Variants in CACNA2D3 observed in about 807,000 individuals in gnomAD.
The protein encoded by CACNA2D3 is voltage-dependent calcium channel subunit alpha-2/delta-3.
A neutral mutation model predicts 160.6 loss-of-function variants in CACNA2D3; 60 were observed. That is an observed-to-expected ratio of 0.37 (90% CI 0.30 to 0.46). The LOEUF (loss-of-function observed/expected upper bound fraction) is 0.46. Among genes scored for constraint, CACNA2D3 ranks in the 20% least tolerant of loss-of-function variants. CACNA2D3 has a pLI of 1.00. For missense variants in CACNA2D3, 1,205 were observed against 1,365.0 expected (o/e 0.88, Z 1.85); for synonymous variants, 558 against 492.9 (o/e 1.13, Z -1.75).
chr3:54,180,348 G>A (rs1700761422), intron 2 of CACNA2D3, among the ~76,000 whole-genome samples: 1 of 152,118 alleles, frequency 6.6e-6, no homozygotes, highest in Admixed American at 6.5e-5. Flanking sequence ...ACCTTGCTTT[G>A]TCCTCACAAC....
At chr3:54,615,138 TAATA>T (rs1299034438) in intron 9 of CACNA2D3, among the ~76,000 whole-genome samples, 1 of 152,220 alleles carries the variant, frequency 6.6e-6, no homozygotes, top group Non-Finnish European at 1.5e-5. Flanking sequence ...ATTGGTTATC[TAATA>T]AATGAAGAGA....
chr3:54,821,692 C>CTT (rs1559594959), intron 14 of CACNA2D3, among the ~76,000 whole-genome samples: 1 of 126,430 alleles, frequency 7.9e-6, no homozygotes, highest in African/African-American at 3.3e-5. Context: ...TTCTTTCTTT[C>CTT]TTTCTTTCCT....
At chr3:54,872,257 G>A (rs1699551930) in intron 18 of CACNA2D3, among the ~76,000 whole-genome samples, 1 of 152,118 alleles carries the variant, frequency 6.6e-6, no homozygotes, top group African/African-American at 2.4e-5. Context: ...ACTTAACCCT[G>A]TCAGGTCTTC....
intron 4 of CACNA2D3, among the ~76,000 whole-genome samples, chr3:54,464,531 C>A (rs1321374672): frequency 6.6e-6 from 1 of 152,218 alleles, no homozygotes; most frequent in Non-Finnish European, 1.5e-5. Context: ...TCTCAGAGTG[C>A]TGTGCTAGCA....
At chr3:54,272,014 A>G (rs1460395806) in intron 2 of CACNA2D3, among the ~76,000 whole-genome samples, 1 of 152,276 alleles carries the variant, frequency 6.6e-6, no homozygotes, top group East Asian at 1.9e-4. Context: ...ATCTTGTTTC[A>G]GTATAAAGCT....
chr3:54,306,832 G>A (rs1575384721), intron 2 of CACNA2D3, among the ~76,000 whole-genome samples: 1 of 152,296 alleles, frequency 6.6e-6, no homozygotes, highest in South Asian at 2.1e-4. Flanking sequence ...ATTTCCTCAA[G>A]AGAAGGAAGA....
chr3:54,646,184 C>CTCCCTCCCTCCTTCCT (rs1699642449), intron 11 of CACNA2D3, among the ~76,000 whole-genome samples: 1 of 14,886 alleles, frequency 6.7e-5, no homozygotes, highest in Non-Finnish European at 1.5e-4. Context: ...CCCTCCCTCC[C>CTCCCTCCCTCCTTCCT]TCCTTCCTTG....
chr3:54,316,077 G>T (rs890282033), intron 2 of CACNA2D3, among the ~76,000 whole-genome samples: 8 of 19,024 alleles, frequency 4.2e-4, no homozygotes, highest in African/African-American at 8.8e-4. Flanking sequence ...TCCTAGCAGG[G>T]TGTGTGTGTG....
At chr3:54,949,879 A>C (rs1474180718) in intron 27 of CACNA2D3, among the ~76,000 whole-genome samples, 1 of 152,206 alleles carries the variant, frequency 6.6e-6, no homozygotes, top group African/African-American at 2.4e-5. Flanking sequence ...GGTAGAAGTA[A>C]TTATTTTTAT....
intron 11 of CACNA2D3, among the ~76,000 whole-genome samples, chr3:54,712,611 C>T (rs1700972784): frequency 6.6e-6 from 1 of 152,240 alleles, no homozygotes; most frequent in Non-Finnish European, 1.5e-5. Context: ...CCACGTGGAA[C>T]TGAGAGTCTA....
chr3:54,661,636 A>T (rs977055038), intron 11 of CACNA2D3, among the ~76,000 whole-genome samples: 6 of 152,144 alleles, frequency 3.9e-5, no homozygotes, highest in Non-Finnish European at 1.5e-5. Flanking sequence ...GCTCACTAAC[A>T]TCAGGAAAAA....
chr3:54,179,917 A>G (rs1700750279), intron 2 of CACNA2D3, among the ~76,000 whole-genome samples: 1 of 152,060 alleles, frequency 6.6e-6, no homozygotes, highest in Non-Finnish European at 1.5e-5. Context: ...GGCAGCAGAA[A>G]CTAAGACATC....
At chr3:54,189,194 T>C (rs1259776458) in intron 2 of CACNA2D3, among the ~76,000 whole-genome samples, 1 of 152,194 alleles carries the variant, frequency 6.6e-6, no homozygotes, top group African/African-American at 2.4e-5. Flanking sequence ...CCAGCAAGCT[T>C]TTATGTAAGA....
chr3:54,634,897 GGGAT>G (rs1415956464), intron 10 of CACNA2D3, among the ~76,000 whole-genome samples: 1 of 151,994 alleles, frequency 6.6e-6, no homozygotes, highest in Non-Finnish European at 1.5e-5. Flanking sequence ...CAGGTCACAG[GGGAT>G]GCAATGGCTT....
At chr3:54,773,177 T>C (rs1383360351) in intron 13 of CACNA2D3, among the ~76,000 whole-genome samples, 1 of 152,238 alleles carries the variant, frequency 6.6e-6, no homozygotes, top group Non-Finnish European at 1.5e-5. Context: ...GAAAACACTA[T>C]GCATTTGATA....
chr3:54,745,787 T>C (rs1168438885), intron 11 of CACNA2D3, among the ~76,000 whole-genome samples: 1 of 152,160 alleles, frequency 6.6e-6, no homozygotes, highest in East Asian at 1.9e-4. Flanking sequence ...GCCAGAAGAT[T>C]ACAAAGAATA....
At position 54,155,993 on chromosome 3, in the gene CACNA2D3, T is replaced by A. The variant is rs184907225; in HGVS notation, c.204+32399T>A. Among the ~76,000 whole-genome samples the A allele has an allele frequency of 1.2e-3, 182 of 152,332 alleles. 1 individual carries two copies. Among genetic ancestry groups the A allele is most frequent in the Non-Finnish European group, 8.8e-4 (60 of 68,022 alleles). On this transcript the variant is annotated intron_variant, in intron 2 of 37. Coordinates refer to ENST00000474759, the MANE Select transcript of CACNA2D3 (RefSeq NM_018398.3). ...GGTTTTACCAAACACGTTATTCTCTTTAGGAACAGGCTAATTTTGTTTTTT... is the reference window on the plus strand; with the variant it reads ...GGTTTTACCAAACACGTTATTCTCTATAGGAACAGGCTAATTTTGTTTTTT...
chr3:55,001,912 A>G (rs540437711), intron 31 of CACNA2D3, among the ~76,000 whole-genome samples: 2 of 152,300 alleles, frequency 1.3e-5, no homozygotes, highest in South Asian at 4.1e-4. Flanking sequence ...TAATCCCAGC[A>G]TTTTGGGAGG....
chr3:54,386,145 T>G (rs1575426979), intron 3 of CACNA2D3: 1 of 349,274 alleles, frequency 2.9e-6, no homozygotes, highest in Non-Finnish European at 5.6e-6. Flanking sequence ...TTAGTTTAAT[T>G]TAAGTGATTG....
Sources: gnomAD v4.1 joint callset for allele counts (sites outside exome capture counted in the v4.1 genomes callset) on GRCh38, gnomAD v4.1.1 for gene constraint, MANE v1.5 for transcripts, NCBI Gene and HGNC (gene_info 2026-07-23, HGNC 2026-07-21) for gene names.